The following STAU1 variants were observed in gnomAD, a reference collection of about 807,000 sequenced individuals.
STAU1 encodes double-stranded RNA-binding protein Staufen homolog 1.
In STAU1, 13 loss-of-function variants were observed where a neutral mutation model predicts 62.9. The observed-to-expected ratio is 0.21, with a 90% CI of 0.13 to 0.33. The LOEUF is 0.33. Among genes scored for constraint, STAU1 ranks in the 10% least tolerant of loss-of-function variants. STAU1 has a pLI of 1.00. For synonymous variants in STAU1, 269 were observed against 265.1 expected, an observed-to-expected ratio of 1.01 and a Z score of -0.14; for missense variants, 571 against 712.1, an observed-to-expected ratio of 0.80 and a Z score of 2.25.
chr20:49,121,291 C>T (rs557255160), intron 8 of STAU1, among the ~76,000 whole-genome samples: 1 of 152,142 alleles, frequency 6.6e-6, no homozygotes, highest in South Asian at 2.1e-4. Flanking sequence ...CCCGTGAATC[C>T]CAGCTACTCG....
chr20:49,196,757 G>A, the STAU1 span, among the ~76,000 whole-genome samples: 1 of 147,162 alleles, frequency 6.8e-6, no homozygotes, highest in Non-Finnish European at 1.5e-5. Context: ...GGGTGACAGC[G>A]AGACTCTGTC....
chr20:49,213,742 A>G, the STAU1 span, among the ~76,000 whole-genome samples: 1 of 152,252 alleles, frequency 6.6e-6, no homozygotes, highest in Non-Finnish European at 1.5e-5. Context: ...CCCAACAGCC[A>G]TATAAAGTAG....
chr20:49,162,788 A>C (rs1436371724), intron 3 of STAU1, among the ~76,000 whole-genome samples: 1 of 151,926 alleles, frequency 6.6e-6, no homozygotes, highest in Non-Finnish European at 1.5e-5. Flanking sequence ...AAAAAAAAAA[A>C]ACAGATTTAT....
upstream of STAU1, among the ~76,000 whole-genome samples, chr20:49,189,278 C>T (rs348292): frequency 0.74 from 108,143 of 146,430 alleles, 40,520 homozygotes; most frequent in African/African-American, 0.88. Context: ...TTCACCCAGA[C>T]CTAGATAAAC....
intron 6 of STAU1, among the ~76,000 whole-genome samples, chr20:49,127,883 C>A (rs1283122625): frequency 6.6e-6 from 1 of 151,886 alleles, no homozygotes; most frequent in Non-Finnish European, 1.5e-5. Flanking sequence ...GGCTCGGTGG[C>A]TCACGCCTGT....
At chr20:49,204,622 A>ATATATATG in the STAU1 span, among the ~76,000 whole-genome samples, 1 of 40,612 alleles carries the variant, frequency 2.5e-5, no homozygotes, top group African/African-American at 7.7e-5. Context: ...ATATATATAT[A>ATATATATG]TGTGTATATA....
chr20:49,134,997 T>C (rs1379647897), intron 6 of STAU1: 11 of 1,601,778 alleles, frequency 6.9e-6, no homozygotes, highest in South Asian at 1.1e-5. Flanking sequence ...AACAAGAGTC[T>C]TTCAGGACCT....
rs1191430953 is a variant in STAU1, at chr20:49,175,636, C to T, written c.-159-1367G>A. Among the ~76,000 whole-genome samples the T allele has an allele frequency of 7.9e-5, 12 of 151,408 alleles. No homozygotes were observed. The South Asian group carries it at 1.0e-3, about 13-fold the overall frequency. On this transcript the variant is annotated intron_variant, in intron 1 of 13. Coordinates refer to ENST00000371856, the MANE Select transcript of STAU1 (RefSeq NM_017453.4). ...CTGGGGTTACAGGTGCCCGCTACCACGCCTGGCTAATTTTTTTATTTTTAT... is the reference window on the plus strand; with the variant it reads ...CTGGGGTTACAGGTGCCCGCTACCATGCCTGGCTAATTTTTTTATTTTTAT...
At chr20:49,128,859 T>C (rs888283128) in intron 6 of STAU1, among the ~76,000 whole-genome samples, 2 of 149,326 alleles carry the variant, frequency 1.3e-5, no homozygotes, top group African/African-American at 4.9e-5. Flanking sequence ...TAAACCTAAA[T>C]GTAAGAGCTA....
At position 49,184,763 on chromosome 20, in the gene STAU1, T is replaced by C. The variant is rs369063041; in HGVS notation, c.-160+3353A>G. Among the ~76,000 whole-genome samples the C allele has an allele frequency of 6.6e-5, 10 of 152,310 alleles. No individual in the cohort carries two copies. The East Asian group carries it at 1.9e-3, about 29-fold the overall frequency. ...CTTTCCCAGATACTAAATTGGCGTT[T>C]CTTTCCTAAATCAATTTTAAGAGGT... On this transcript the variant is annotated intron_variant, in intron 1 of 13. Transcript: ENST00000371856.
At chr20:49,203,947 T>A in the STAU1 span, among the ~76,000 whole-genome samples, 1 of 152,182 alleles carries the variant, frequency 6.6e-6, no homozygotes, top group Non-Finnish European at 1.5e-5. Flanking sequence ...GCCTCCCAAG[T>A]GCTGGGATAA....
chr20:49,118,093 T>C lies in STAU1; in HGVS notation c.1193A>G (p.Asn398Ser). The change falls in exon 11 of 14, where the codon AAT becomes AGT. Residue 398 changes from asparagine to serine, a missense_variant. Coordinates refer to ENST00000371856, the MANE Select transcript of STAU1 (RefSeq NM_017453.4). ...AGGCATCCTGAACTCATCCTCTTTA[T>C]TACCTGGGAGGGACATACACGGTAA... ...PGSGDENGTS[N>S]KEDEFRMPYL... 1 of 1,613,676 alleles carries C rather than the reference T, an allele frequency of 6.2e-7. No homozygotes were observed. The highest frequency in any genetic ancestry group is 8.5e-7 in the Non-Finnish European group (1 of 1,179,720).
At chr20:49,219,030 A>G in the STAU1 span, among the ~76,000 whole-genome samples, 1 of 151,662 alleles carries the variant, frequency 6.6e-6, no homozygotes, top group Non-Finnish European at 1.5e-5. Flanking sequence ...AAAAAAAAAA[A>G]AAAAAAAGAC....
intron 3 of STAU1, chr20:49,159,175 T>G: frequency 9.3e-7 from 1 of 1,076,174 alleles, no homozygotes; most frequent in Non-Finnish European, 1.1e-6. Context: ...ACAAAGTTAT[T>G]CTCGTGAACC....
At chr20:49,123,001 C>T in intron 8 of STAU1, 91 bp downstream of exon 8, 1 of 1,403,498 alleles carries the variant, frequency 7.1e-7, no homozygotes, top group Non-Finnish European at 9.4e-7. Flanking sequence ...ATCCAGCCTC[C>T]TCAGGAAGGT....
chr20:49,198,818 C>G, the STAU1 span, among the ~76,000 whole-genome samples: 1 of 150,740 alleles, frequency 6.6e-6, no homozygotes. Context: ...AAAAAATTAG[C>G]TGGGCATGGT....
intron 5 of STAU1, among the ~76,000 whole-genome samples, chr20:49,136,489 A>G (rs2092886938): frequency 6.6e-6 from 1 of 152,208 alleles, no homozygotes. Context: ...ATCCGCACAT[A>G]ATAGACCTTT....
the STAU1 span, among the ~76,000 whole-genome samples, chr20:49,212,631 CAG>C: frequency 4.2e-4 from 1 of 2,366 alleles, no homozygotes; most frequent in Non-Finnish European, 1.6e-3. Flanking sequence ...TTTTTTTAGG[CAG>C]AGTTTTGCTC....
At chr20:49,185,641 G>A (rs570235953) in intron 1 of STAU1, among the ~76,000 whole-genome samples, 82 of 152,148 alleles carry the variant, frequency 5.4e-4, no homozygotes, top group African/African-American at 2.0e-3. Flanking sequence ...TTTGTGTGGG[G>A]GGATACAACA....
Sources: allele counts gnomAD v4.1 joint callset (sites outside exome capture counted in the v4.1 genomes callset), GRCh38; gene constraint gnomAD v4.1.1; transcripts MANE v1.5; gene names NCBI Gene and HGNC (gene_info 2026-07-23, HGNC 2026-07-21).